ANKFY1: variants seen among roughly 807,000 people sequenced by gnomAD.
ANKFY1 encodes ankyrin repeat and FYVE domain containing 1, also known as ankyrin repeat and FYVE domain-containing protein 1.
ANKFY1 carries 47 observed loss-of-function variants against 128.3 expected under a neutral mutation model. The ratio of observed to expected loss-of-function variants is 0.37; its 90% CI spans 0.29 to 0.47. The LOEUF is 0.47. Among genes scored for constraint, ANKFY1 ranks in the 20% least tolerant of loss-of-function variants. The pLI is 1.00. For synonymous variants in ANKFY1, 553 were observed against 601.6 expected, an observed-to-expected ratio of 0.92 and a Z score of 1.18; for missense variants, 1,222 against 1,510.6, an observed-to-expected ratio of 0.81 and a Z score of 3.17.
chr17:4,240,398 A>ATT (rs149346704), intron 2 of ANKFY1, among the ~76,000 whole-genome samples: 36,999 of 139,246 alleles, frequency 0.27, 5,426 homozygotes, highest in Admixed American at 0.34. Flanking sequence ...TTATTTATTT[A>ATT]TTTATTTTTT....
intron 23 of ANKFY1, among the ~76,000 whole-genome samples, chr17:4,170,451 C>T (rs1256060976): frequency 6.6e-6 from 1 of 152,068 alleles, no homozygotes; most frequent in Admixed American, 6.5e-5. Flanking sequence ...GGGTGGCCTG[C>T]CTGGAGCTTT....
rs1262164411 is a variant in ANKFY1 at position 4,258,308 on chromosome 17, G to A, written c.10+5624C>T. 5.9e-5 allele frequency among the ~76,000 whole-genome samples: 9 copies of A among 152,026 alleles called. No homozygotes were observed. The East Asian group carries it at 9.6e-4, about 16-fold the overall frequency. Reference sequence around the variant, plus strand: ...TGGGAGGCCGAGGCGGGCGGATCACGAGGTCAGGAGATCAAGACCATCCTT... The same window carrying A: ...TGGGAGGCCGAGGCGGGCGGATCACAAGGTCAGGAGATCAAGACCATCCTT... On this transcript the variant is annotated intron_variant, in intron 1 of 24. Transcript: ENST00000341657.
rs1327019665 is a variant in ANKFY1 at position 4,181,270 on chromosome 17, A to C, written c.2224T>G (p.Cys742Gly). The C allele has an allele frequency of 6.2e-7, 1 of 1,613,966 alleles. No homozygotes were observed. The highest frequency in any genetic ancestry group is 1.3e-5 in the African/African-American group (1 of 75,058). Residue 742 changes from cysteine to glycine, a missense_variant, in exon 16 of 25, where the codon TGC becomes GGC. Transcript: ENST00000341657. The surrounding 1 kb of genome is among the most constrained non-coding windows in gnomAD (Gnocchi z 4.9). ...CTCTCAGACCTGCGAATAAGAAAGC[A>C]GGCGGTGGGCTCGTTGTTTTCATCA... Reference protein sequence around the residue: ...AIDENNEPTACFLIRSGCDVN... With the variant: ...AIDENNEPTAGFLIRSGCDVN...
intron 1 of ANKFY1, among the ~76,000 whole-genome samples, chr17:4,244,551 C>A (rs1208356342): frequency 6.6e-6 from 1 of 152,082 alleles, no homozygotes; most frequent in Non-Finnish European, 1.5e-5. Flanking sequence ...TTCACCCCTC[C>A]CTCTTCCACA....
At chr17:4,168,379 C>T (rs1439643257) in intron 24 of ANKFY1, among the ~76,000 whole-genome samples, 5 of 152,098 alleles carry the variant, frequency 3.3e-5, no homozygotes, top group East Asian at 3.9e-4. Context: ...CTTGAACCCG[C>T]GAAGTGGAGA....
chr17:4,179,709 G>C lies in ANKFY1; in HGVS notation c.2397+12C>G. The C allele has an allele frequency of 6.2e-7, 1 of 1,612,884 alleles. No homozygotes were observed. Among genetic ancestry groups the C allele is most frequent in the South Asian group, 1.1e-5 (1 of 91,052 alleles). ...GCTACACCTCTCTCCCCGGAAAAGAGAAACGACACACCTGTGCGTTCACGT... is the reference window on the plus strand; with the variant it reads ...GCTACACCTCTCTCCCCGGAAAAGACAAACGACACACCTGTGCGTTCACGT... On this transcript the variant is annotated intron_variant, in intron 17 of 24. Transcript: ENST00000341657.
chr17:4,202,425 G>A (rs1332659912), intron 7 of ANKFY1, among the ~76,000 whole-genome samples: 2 of 149,144 alleles, frequency 1.3e-5, no homozygotes, highest in African/African-American at 2.5e-5. Flanking sequence ...GAGGCCGGGC[G>A]CAGTGGCTCA....
At position 4,217,059 on chromosome 17, in the gene ANKFY1, A is replaced by G; in HGVS notation, c.382T>C (p.Phe128Leu). Residue 128 changes from phenylalanine to leucine, a missense_variant, in exon 4 of 25, where the codon TTC (phenylalanine) becomes CTC (leucine). Phe to Leu is a conservative substitution (Grantham distance 22). Transcript: ENST00000341657. Reference protein sequence around the residue: ...LRWIYTDELEFREDDVFLTEL... With the variant: ...LRWIYTDELELREDDVFLTEL... ...GTCAGGAACACATCATCCTCTCTGAACTCCAGCTCATCTGTATAGATCCAG... is the reference window on the plus strand; with the variant it reads ...GTCAGGAACACATCATCCTCTCTGAGCTCCAGCTCATCTGTATAGATCCAG... 6.2e-7 allele frequency: 1 copy of G among 1,613,830 alleles called. No homozygotes were observed. The highest frequency in any genetic ancestry group is 8.5e-7 in the Non-Finnish European group (1 of 1,180,002).
intron 7 of ANKFY1, among the ~76,000 whole-genome samples, chr17:4,205,089 G>C (rs1463648971): frequency 1.3e-5 from 2 of 152,152 alleles, no homozygotes; most frequent in Non-Finnish European, 2.9e-5. Flanking sequence ...CAAAAATGTA[G>C]CACAGACAAT....
intron 7 of ANKFY1, among the ~76,000 whole-genome samples, chr17:4,199,663 CT>C (rs1567936284): frequency 6.6e-6 from 1 of 152,142 alleles, no homozygotes; most frequent in African/African-American, 2.4e-5. Flanking sequence ...GAAATTGACT[CT>C]AGATTGGTTC....
In ANKFY1 at chr17:4,173,930, C is replaced by T. The variant is rs181388284; in HGVS notation, c.2902G>A (p.Val968Met). The change falls in exon 20 of 25, where the codon GTG becomes ATG. Residue 968 changes from valine to methionine, a missense_variant. Val to Met is a conservative substitution (Grantham distance 21). Transcript: ENST00000341657. ...LLENGVDFAA[V>M]DENGNNALHL... ...TTACCATTGTTTCCATTCTCATCCA[C>T]GGCAGCAAAGTCCACGCCATTCTCT... The T allele has an allele frequency of 4.6e-5, 74 of 1,613,558 alleles. No individual in the cohort carries two copies. The East Asian group carries it at 1.3e-3, about 28-fold the overall frequency.
chr17:4,256,308 G>A (rs894394111), intron 1 of ANKFY1, among the ~76,000 whole-genome samples: 2 of 152,094 alleles, frequency 1.3e-5, no homozygotes, highest in East Asian at 1.9e-4. Flanking sequence ...GGCGCCTGTA[G>A]TCCCAGCTAC....
Position 4,197,423 on chromosome 17 carries a change from C to T in ANKFY1, c.1053G>A (p.Glu351=), listed in dbSNP as rs776077351. 29 of 1,614,098 alleles carry T rather than the reference C, an allele frequency of 1.8e-5. No individual in the cohort carries two copies. The highest frequency in any genetic ancestry group is 1.3e-5 in the Non-Finnish European group (15 of 1,180,052). ...DVMSEMAQIA[E]ALLQAGANPN... ...GGTTGGCACCAGCCTGCAGAAGGGC[C>T]TCTGCAATCTGCGCCATCTCAGACA... Residue 351 remains glutamate, a synonymous_variant, in exon 8 of 25, where the codon GAG becomes GAA. Coordinates refer to ENST00000341657, the MANE Select transcript of ANKFY1 (RefSeq NM_001330063.2).
chr17:4,211,330 G>A (rs2060126310), intron 4 of ANKFY1, among the ~76,000 whole-genome samples: 1 of 151,448 alleles, frequency 6.6e-6, no homozygotes, highest in Non-Finnish European at 1.5e-5. Context: ...CCGGGAGGCA[G>A]AGGTTGCAGT....
intron 22 of ANKFY1, among the ~76,000 whole-genome samples, chr17:4,172,315 A>T (rs1000948454): frequency 1.3e-5 from 2 of 152,142 alleles, no homozygotes; most frequent in Non-Finnish European, 2.9e-5. Context: ...ACAGGTGGAG[A>T]GGCCTGTTTG....
chr17:4,185,716 C>A (rs1301488262), intron 11 of ANKFY1, among the ~76,000 whole-genome samples: 4 of 142,814 alleles, frequency 2.8e-5, no homozygotes, highest in African/African-American at 1.0e-4. Context: ...CCTCTTTAAC[C>A]ACCCTTCGCT....
intron 3 of ANKFY1, among the ~76,000 whole-genome samples, chr17:4,230,527 T>C (rs888121312): frequency 2.0e-5 from 3 of 152,210 alleles, no homozygotes; most frequent in African/African-American, 4.8e-5. Flanking sequence ...GAAGTAAATA[T>C]AATACTTTCC....
intron 6 of ANKFY1, among the ~76,000 whole-genome samples, chr17:4,206,978 C>A (rs757801347): frequency 5.3e-5 from 8 of 152,170 alleles, no homozygotes; most frequent in Admixed American, 2.0e-4. Flanking sequence ...TATCACCCCC[C>A]CCAAAGACGG....
intron 3 of ANKFY1, among the ~76,000 whole-genome samples, chr17:4,232,601 C>T (rs2060532033): frequency 1.3e-5 from 2 of 152,260 alleles, no homozygotes; most frequent in Admixed American, 6.5e-5. Flanking sequence ...AATCAAAACA[C>T]GCTTATTATT....
Sources: gnomAD v4.1 joint callset for allele counts (sites outside exome capture counted in the v4.1 genomes callset) on GRCh38, gnomAD v4.1.1 for gene constraint, Gnocchi (gnomAD v3.1) non-coding constraint, MANE v1.5 for transcripts, NCBI Gene and HGNC (gene_info 2026-07-23, HGNC 2026-07-21) for gene names.